CNTNAP4: variants seen among roughly 807,000 people sequenced by gnomAD.
CNTNAP4 encodes contactin-associated protein-like 4.
Under a neutral mutation model 148.4 loss-of-function variants are expected in CNTNAP4, and 98 were observed. The observed-to-expected ratio is 0.66, with a 90% CI of 0.56 to 0.78. The LOEUF (loss-of-function observed/expected upper bound fraction) is 0.78, where lower values mean the gene tolerates loss of function less well. Ranked by LOEUF, CNTNAP4 falls within the 30% of genes least tolerant of loss-of-function variation. The pLI, the probability that CNTNAP4 is intolerant of heterozygous loss-of-function variation, is 0.00. For synonymous variants in CNTNAP4, 730 were observed against 565.1 expected (o/e 1.29, Z -4.14); for missense variants, 1,935 against 1,565.6 (o/e 1.24, Z -3.98).
chr16:76,461,873 G>A (rs923888309), intron 8 of CNTNAP4, 83 bp from the exon 9 acceptor site: 2 of 1,131,096 alleles, frequency 1.8e-6, no homozygotes, highest in Non-Finnish European at 2.6e-6. Context: ...AGCCAATTGA[G>A]TGATGTGTAT....
In CNTNAP4 at chr16:76,457,882, AATTGAACCC is replaced by A. The variant is rs149908953; in HGVS notation, c.1334-4070_1334-4062del. Among the ~76,000 whole-genome samples the A allele has an allele frequency of 5.2e-3, 785 of 151,946 alleles. 5 individuals carry two copies. The highest frequency in any genetic ancestry group is 0.018 in the African/African-American group (746 of 41,426). On this transcript the variant is annotated intron_variant, in intron 8 of 23. Coordinates refer to ENST00000611870, the MANE Select transcript of CNTNAP4 (RefSeq NM_033401.5). ...TGCATGGTGCTGAGATTTGGGTTTC[AATTGAACCC>A]ATTACCCAAATAATGAACATGGTAC...
intron 2 of CNTNAP4, among the ~76,000 whole-genome samples, chr16:76,327,335 A>G (rs763864410): frequency 7.2e-5 from 11 of 152,228 alleles, no homozygotes; most frequent in Non-Finnish European, 1.6e-4. Flanking sequence ...AAATTCTTTT[A>G]GGATAACGGT....
At chr16:76,472,183 GTAAAA>G (rs1193932855) in intron 10 of CNTNAP4, among the ~76,000 whole-genome samples, 2 of 151,936 alleles carry the variant, frequency 1.3e-5, no homozygotes, top group East Asian at 3.8e-4. Flanking sequence ...GGAGAAAAGT[GTAAAA>G]TACAATGGTT....
chr16:76,362,328 C>A (rs1362792734), intron 3 of CNTNAP4, among the ~76,000 whole-genome samples: 1 of 152,090 alleles, frequency 6.6e-6, no homozygotes, highest in Non-Finnish European at 1.5e-5. Flanking sequence ...CTATACTACT[C>A]AAAGCAATCT....
At chr16:76,454,106 T>C (rs1349839116) in intron 8 of CNTNAP4, among the ~76,000 whole-genome samples, 4 of 139,084 alleles carry the variant, frequency 2.9e-5, no homozygotes, top group African/African-American at 1.0e-4. Flanking sequence ...TCAGCCTATT[T>C]CTTTCTTTTT....
chr16:76,400,230 G>A (rs952946865), intron 3 of CNTNAP4, among the ~76,000 whole-genome samples: 7 of 152,026 alleles, frequency 4.6e-5, no homozygotes, highest in South Asian at 4.1e-4. Context: ...CCAATACTGG[G>A]GTGCAATGTG....
At chr16:76,480,691 T>C (rs1279385267) in intron 12 of CNTNAP4, among the ~76,000 whole-genome samples, 1 of 152,116 alleles carries the variant, frequency 6.6e-6, no homozygotes, top group Non-Finnish European at 1.5e-5. Flanking sequence ...TGAGCCAAGA[T>C]TGTGCCACTG....
At chr16:76,490,402 CTT>C (rs377276788) in intron 13 of CNTNAP4, among the ~76,000 whole-genome samples, 1 of 152,150 alleles carries the variant, frequency 6.6e-6, no homozygotes. Context: ...CATCTTGACT[CTT>C]TATTTGATTC....
intron 1 of CNTNAP4, among the ~76,000 whole-genome samples, chr16:76,304,738 G>A (rs1406678413): frequency 1.3e-5 from 2 of 152,128 alleles, no homozygotes; most frequent in Non-Finnish European, 2.9e-5. Context: ...CAATCAGTGG[G>A]CAATATTTTG....
At chr16:76,424,502 C>G (rs542885715) in intron 3 of CNTNAP4, among the ~76,000 whole-genome samples, 1 of 152,046 alleles carries the variant, frequency 6.6e-6, no homozygotes, top group South Asian at 2.1e-4. Flanking sequence ...GCCTGTAATC[C>G]TAACACCTTG....
intron 3 of CNTNAP4, among the ~76,000 whole-genome samples, chr16:76,426,655 T>C (rs2079416576): frequency 6.6e-6 from 1 of 152,132 alleles, no homozygotes; most frequent in South Asian, 2.1e-4. Context: ...ATCCTGATTT[T>C]ATGGAAGAAA....
chr16:76,548,229 G>A (rs2084814961), intron 21 of CNTNAP4, among the ~76,000 whole-genome samples: 1 of 150,272 alleles, frequency 6.7e-6, no homozygotes, highest in South Asian at 2.1e-4. Context: ...AGTCCCTGGT[G>A]GAATTGCATA....
chr16:76,393,009 G>A (rs2078079883), intron 3 of CNTNAP4, among the ~76,000 whole-genome samples: 1 of 152,176 alleles, frequency 6.6e-6, no homozygotes. Flanking sequence ...TTTATCGTAA[G>A]TATTTTAATG....
In CNTNAP4 at chr16:76,316,587, C is replaced by G. The variant is rs988446035; in HGVS notation, c.196+64C>G. The G allele has an allele frequency of 1.5e-5, 16 of 1,032,622 alleles. No individual in the cohort carries two copies. The African/African-American group carries it at 2.4e-4, about 15-fold the overall frequency. The allele number at this position is 1,032,622 out of a possible 1,614,324, so 64.0% of individuals were successfully genotyped here. A position where few individuals can be genotyped will look rare whatever the true frequency, so the allele number is the denominator to read the frequency against. On this transcript the variant is annotated intron_variant, in intron 2 of 23. Coordinates refer to ENST00000611870, the MANE Select transcript of CNTNAP4 (RefSeq NM_033401.5). ...TCTCACTAGTTTTTCATTATCTTTG[C>G]ATACAGTCATTATGAATGATACATG...
intron 3 of CNTNAP4, among the ~76,000 whole-genome samples, chr16:76,372,834 A>C (rs1329109328): frequency 6.6e-6 from 1 of 152,230 alleles, no homozygotes; most frequent in African/African-American, 2.4e-5. Flanking sequence ...CTCAAGTGCT[A>C]CTGGCTAAAA....
intron 15 of CNTNAP4, among the ~76,000 whole-genome samples, chr16:76,512,380 A>G (rs1271943910): frequency 6.6e-6 from 1 of 152,116 alleles, no homozygotes; most frequent in Non-Finnish European, 1.5e-5. Flanking sequence ...AGCTTGAGCC[A>G]TGGGTGCAAT....
chr16:76,355,839 C>CTTTT (rs1286678738), intron 3 of CNTNAP4, among the ~76,000 whole-genome samples: 43 of 142,342 alleles, frequency 3.0e-4, no homozygotes, highest in African/African-American at 9.2e-4. Flanking sequence ...CTTGCATTGT[C>CTTTT]TTTTATTTAT....
At chr16:76,370,635 C>T (rs2014700311) in intron 3 of CNTNAP4, among the ~76,000 whole-genome samples, 1 of 152,168 alleles carries the variant, frequency 6.6e-6, no homozygotes, top group Non-Finnish European at 1.5e-5. Flanking sequence ...GAAAGGGTGA[C>T]ACGTGGTTCT....
intron 2 of CNTNAP4, among the ~76,000 whole-genome samples, chr16:76,346,650 T>C (rs1169553323): frequency 3.3e-5 from 5 of 152,154 alleles, no homozygotes; most frequent in African/African-American, 9.7e-5. Flanking sequence ...CCAGACGTTA[T>C]GTGCTAAAAA....
Sources: gnomAD v4.1 joint callset for allele counts (sites outside exome capture counted in the v4.1 genomes callset) on GRCh38, gnomAD v4.1.1 for gene constraint, MANE v1.5 for transcripts, NCBI Gene and HGNC (gene_info 2026-07-23, HGNC 2026-07-21) for gene names.